Variants in HSPA12A observed in about 807,000 individuals in gnomAD.
The protein encoded by HSPA12A is heat shock protein family A (Hsp70) member 12A, also known as heat shock 70 kDa protein 12A.
A neutral mutation model predicts 69.2 loss-of-function variants in HSPA12A; 28 were observed. The observed-to-expected ratio is 0.40, with a 90% CI of 0.30 to 0.55. The LOEUF (loss-of-function observed/expected upper bound fraction) is 0.55. Ranked by LOEUF, HSPA12A falls within the 20% of genes least tolerant of loss-of-function variation. HSPA12A has a pLI of 0.38. For synonymous variants in HSPA12A, 345 were observed against 370.5 expected, an observed-to-expected ratio of 0.93 and a Z score of 0.79; for missense variants, 686 against 900.7, an observed-to-expected ratio of 0.76 and a Z score of 3.05.
chr10:116,752,473 T>A (rs1554888458), intron 2 of HSPA12A, among the ~76,000 whole-genome samples: 1 of 152,208 alleles, frequency 6.6e-6, no homozygotes, highest in Non-Finnish European at 1.5e-5. Flanking sequence ...CCATCAGACA[T>A]GTGCTGCAAC....
In HSPA12A at chr10:116,705,245, A is replaced by T; in HGVS notation, c.160T>A (p.Ser54Thr). ...DTDSNVSEQQ[S>T]FLVVVAVDFG... ...TCGACGGCCACCACCACGAGAAATG[A>T]CTGCTGTTCTGAGACGTTGGAGTCA... is the stretch of plus-strand genomic sequence containing the variant. The change falls in exon 3 of 12, where the codon TCA becomes ACA. Residue 54 changes from serine (S) to threonine (T), a missense_variant. By Grantham distance (58) the Ser-to-Thr change is moderately conservative (BLOSUM62 1). Coordinates refer to ENST00000369209, the MANE Select transcript of HSPA12A (RefSeq NM_025015.3). 6.2e-7 allele frequency: 1 copy of T among 1,614,068 alleles called. No homozygotes were observed. Among genetic ancestry groups the T allele is most frequent in the Non-Finnish European group, 8.5e-7 (1 of 1,180,004 alleles).
At chr10:116,811,211 G>A (rs1845174137) in intron 2 of HSPA12A, among the ~76,000 whole-genome samples, 1 of 152,170 alleles carries the variant, frequency 6.6e-6, no homozygotes, top group East Asian at 1.9e-4. Context: ...GCCTCTTCCA[G>A]AAACAGAAAC....
In HSPA12A at chr10:116,674,534, A is replaced by G. The variant is rs17095102; in HGVS notation, c.*247T>C. 0.054 allele frequency: 29,300 copies of G among 538,670 alleles called. 1,291 individuals carry two copies. The highest frequency in any genetic ancestry group is 0.19 in the East Asian group (6,158 of 31,766). 33.4% of individuals were successfully genotyped at this position (538,670 alleles called of 1,614,324 possible). Reference sequence around the variant, plus strand: ...CCATTTCACCACTTTTGTACCTATGAAAACTAGCTGCTCCTCCAGGATCCT... The same window carrying G: ...CCATTTCACCACTTTTGTACCTATGGAAACTAGCTGCTCCTCCAGGATCCT... On this transcript the variant is annotated 3_prime_UTR_variant, in exon 12 of 12. Transcript: ENST00000369209.
intron 1 of HSPA12A, among the ~76,000 whole-genome samples, chr10:116,742,213 G>T (rs1241066774): frequency 6.6e-6 from 1 of 151,900 alleles, no homozygotes; most frequent in Non-Finnish European, 1.5e-5. Flanking sequence ...CCCTGGCGGG[G>T]CGCAGAACAT....
chr10:116,730,336 G>A (rs1305240720), intron 1 of HSPA12A, among the ~76,000 whole-genome samples: 1 of 152,234 alleles, frequency 6.6e-6, no homozygotes, highest in Non-Finnish European at 1.5e-5. Context: ...GGGATCTAGA[G>A]AGGTTGAATA....
intron 2 of HSPA12A, among the ~76,000 whole-genome samples, chr10:116,818,045 G>C (rs563686797): frequency 6.6e-6 from 1 of 152,136 alleles, no homozygotes; most frequent in Non-Finnish European, 1.5e-5. Context: ...TTCTCACCTG[G>C]GCAACTGCAT....
chr10:116,837,206 C>A (rs1193476489), intron 1 of HSPA12A, among the ~76,000 whole-genome samples: 4 of 152,134 alleles, frequency 2.6e-5, no homozygotes, highest in Non-Finnish European at 5.9e-5. Flanking sequence ...CAGACATGAA[C>A]CTGCCTACAA....
chr10:116,822,030 T>G (rs1275396160), intron 2 of HSPA12A, among the ~76,000 whole-genome samples: 1 of 152,258 alleles, frequency 6.6e-6, no homozygotes, highest in Non-Finnish European at 1.5e-5. Context: ...TGCCTATCTT[T>G]TGGTGTTCGC....
At chr10:116,798,722 C>T (rs553064614) in intron 2 of HSPA12A, among the ~76,000 whole-genome samples, 1 of 152,088 alleles carries the variant, frequency 6.6e-6, no homozygotes, top group African/African-American at 2.4e-5. Flanking sequence ...GAAAACCCAA[C>T]TGAATTAAAA....
intron 2 of HSPA12A, among the ~76,000 whole-genome samples, chr10:116,816,845 C>T (rs1294639552): frequency 1.3e-5 from 2 of 150,268 alleles, no homozygotes; most frequent in African/African-American, 5.0e-5. Flanking sequence ...AAAACGCTTC[C>T]AACAACACCT....
In HSPA12A at chr10:116,742,463, C is replaced by T; in HGVS notation, c.7G>A (p.Asp3Asn). ...CCGTCGCTGCCGCCGGCCTCCTTGTCCGCCATGGTCGCGCAGCCCCGGACC... is the reference window on the plus strand; with the variant it reads ...CCGTCGCTGCCGCCGGCCTCCTTGTTCGCCATGGTCGCGCAGCCCCGGACC... MA[D>N]KEAGGSDGPR... is the part of the protein sequence containing the mutation. The change falls in exon 1 of 12, where the codon GAC becomes AAC. Residue 3 changes from aspartate (D) to asparagine (N), a missense_variant. Asp to Asn is a conservative substitution (Grantham distance 23). Transcript: ENST00000369209. The T allele has an allele frequency of 1.4e-6, 2 of 1,397,652 alleles. No homozygotes were observed. Among genetic ancestry groups the T allele is most frequent in the Non-Finnish European group, 1.9e-6 (2 of 1,073,430 alleles). The allele number at this position is 1,397,652 out of a possible 1,614,324, so 86.6% of individuals were successfully genotyped here.
At chr10:116,744,284 T>C (rs1851599194), upstream of HSPA12A, among the ~76,000 whole-genome samples, 1 of 152,158 alleles carries the variant, frequency 6.6e-6, no homozygotes, top group Middle Eastern at 3.2e-3. Context: ...TAAGAACTTC[T>C]CCTTCTCATC....
chr10:116,707,336 G>C lies in HSPA12A; in HGVS notation c.41-51C>G, dbSNP rs782614863. 129 of 1,429,290 alleles carry C rather than the reference G, an allele frequency of 9.0e-5. No individual in the cohort carries two copies. In the African/African-American group the frequency reaches 1.3e-3, roughly 15 times the overall value. The allele number at this position is 1,429,290 out of a possible 1,614,324, so 88.5% of individuals were successfully genotyped here. The stretch of plus-strand genomic sequence containing the variant: ...CTTAGAAGTGGCATGGACTGACCCA[G>C]GGGGAAGAAATGAGGGCTGCATGGC... On this transcript the variant is annotated intron_variant, in intron 1 of 11. Coordinates refer to ENST00000369209, the MANE Select transcript of HSPA12A (RefSeq NM_025015.3).
chr10:116,849,666 C>A (rs749622679), exon 1 of HSPA12A: 1 of 1,549,960 alleles, frequency 6.5e-7, no homozygotes, highest in African/African-American at 1.4e-5. Flanking sequence ...CGACGTTCCG[C>A]GCAGGCTGGA....
At chr10:116,844,088 G>A (rs1176985523) in intron 1 of HSPA12A, among the ~76,000 whole-genome samples, 1 of 152,218 alleles carries the variant, frequency 6.6e-6, no homozygotes, top group African/African-American at 2.4e-5. Flanking sequence ...AGTGGAACCT[G>A]AGAGAGTTCT....
At chr10:116,846,025 G>A (rs1845874063) in intron 1 of HSPA12A, among the ~76,000 whole-genome samples, 1 of 152,132 alleles carries the variant, frequency 6.6e-6, no homozygotes, top group Non-Finnish European at 1.5e-5. Context: ...AGTGTCACTG[G>A]AACTTAAATT....
At chr10:116,834,764 G>A (rs1202571344) in intron 2 of HSPA12A, among the ~76,000 whole-genome samples, 1 of 152,150 alleles carries the variant, frequency 6.6e-6, no homozygotes, top group East Asian at 1.9e-4. Flanking sequence ...CCCCTTGCTG[G>A]TGTTCTGAAC....
At chr10:116,728,129 G>A (rs1188868179) in intron 1 of HSPA12A, among the ~76,000 whole-genome samples, 1 of 151,878 alleles carries the variant, frequency 6.6e-6, no homozygotes, top group African/African-American at 2.4e-5. Flanking sequence ...TTTTAGTAGA[G>A]ACAGGACTTC....
rs376286922 is a variant in HSPA12A at position 116,692,481 on chromosome 10, A to G, written c.547-14T>C. The G allele has an allele frequency of 1.3e-6, 2 of 1,599,312 alleles. No homozygotes were observed. The highest frequency in any genetic ancestry group is 2.7e-5 in the African/African-American group (2 of 74,776). On this transcript the variant is annotated splice_polypyrimidine_tract_variant and intron_variant, in intron 5 of 11. Coordinates refer to ENST00000369209, the MANE Select transcript of HSPA12A (RefSeq NM_025015.3). ...GTCACTCAGCTCCTGAAGCCAAGGGAAAGAAATGCAACAGGTCAAGTGGCA... is the reference window on the plus strand; with the variant it reads ...GTCACTCAGCTCCTGAAGCCAAGGGGAAGAAATGCAACAGGTCAAGTGGCA...
Sources: gnomAD v4.1 joint callset for allele counts (sites outside exome capture counted in the v4.1 genomes callset) on GRCh38, gnomAD v4.1.1 for gene constraint, MANE v1.5 for transcripts, NCBI Gene and HGNC (gene_info 2026-07-23, HGNC 2026-07-21) for gene names.